Variants in ARHGEF10 observed in about 807,000 individuals in gnomAD.
ARHGEF10 encodes Rho guanine nucleotide exchange factor 10.
ARHGEF10 carries 140 observed loss-of-function variants against 147.4 expected under a neutral mutation model. The ratio of observed to expected loss-of-function variants is 0.95; its 90% CI spans 0.83 to 1.09. ARHGEF10 has a LOEUF of 1.09. Ranked by LOEUF, ARHGEF10 falls within the 50% of genes least tolerant of loss-of-function variation. ARHGEF10 has a pLI of 0.00. For synonymous variants in ARHGEF10, 902 were observed against 695.8 expected, an observed-to-expected ratio of 1.30 and a Z score of -4.67; for missense variants, 2,222 against 1,752.7, an observed-to-expected ratio of 1.27 and a Z score of -4.78.
At chr8:1,896,564 C>G (rs1364068693) in intron 14 of ARHGEF10, 115 bp downstream of exon 14, 7 of 797,334 alleles carry the variant, frequency 8.8e-6, no homozygotes, top group East Asian at 7.3e-5. Flanking sequence ...CAATAGTGCC[C>G]TAGATATTGG....
At chr8:1,882,914 C>T (rs1808341553) in intron 10 of ARHGEF10, among the ~76,000 whole-genome samples, 165 bp downstream of exon 10, 1 of 152,228 alleles carries the variant, frequency 6.6e-6, no homozygotes, top group African/African-American at 2.4e-5. Flanking sequence ...CTGACCCCAG[C>T]CTCCCCGTCC....
rs1397466072 is a variant in ARHGEF10, at chr8:1,888,845, G to A, written c.1182+3138G>A. ...GTTATGAGGAGACACTGAATAGGGT[G>A]AGGTTTGTGAGGAGACACTGAGTGG... On this transcript the variant is annotated intron_variant, in intron 11 of 28. Coordinates refer to ENST00000349830, the MANE Select transcript of ARHGEF10 (RefSeq NM_014629.4). Among the ~76,000 whole-genome samples, 5 of 110,366 alleles carry A rather than the reference G, an allele frequency of 4.5e-5. 1 individual carries two copies. The highest frequency in any genetic ancestry group is 2.6e-4 in the African/African-American group (5 of 19,068). 72.4% of individuals were successfully genotyped at this position (110,366 alleles called of 152,430 possible). A position where few individuals can be genotyped will look rare whatever the true frequency, so the allele number is the denominator to read the frequency against.
At chr8:1,827,456 C>A (rs1226964480) in intron 1 of ARHGEF10, among the ~76,000 whole-genome samples, 1 of 152,080 alleles carries the variant, frequency 6.6e-6, no homozygotes, top group Non-Finnish European at 1.5e-5. Flanking sequence ...TTATAAGCAC[C>A]CACCACCGTG....
chr8:1,949,413 C>A (rs1358557245), intron 27 of ARHGEF10, among the ~76,000 whole-genome samples: 6 of 152,188 alleles, frequency 3.9e-5, no homozygotes, highest in African/African-American at 1.4e-4. Context: ...GCGGTCGTTA[C>A]CTTTCTAAGT....
At chr8:1,933,352 C>T (rs906787665) in intron 25 of ARHGEF10, among the ~76,000 whole-genome samples, 3 of 152,176 alleles carry the variant, frequency 2.0e-5, no homozygotes, top group Non-Finnish European at 4.4e-5. Flanking sequence ...ATCTTCTCTG[C>T]TATTATTGTA....
Position 1,957,905 on chromosome 8 carries a change from A to G in ARHGEF10, c.*642A>G, listed in dbSNP as rs930061184. The G allele has an allele frequency of 2.0e-5, 3 of 152,356 alleles. No homozygotes were observed. The highest frequency in any genetic ancestry group is 7.2e-5 in the African/African-American group (3 of 41,468). 9.4% of individuals were successfully genotyped at this position (152,356 alleles called of 1,614,324 possible). On this transcript the variant is annotated 3_prime_UTR_variant, in exon 29 of 29. Transcript: ENST00000349830. ...TTTGTATTGCATTTTTCTATTAAAA[A>G]ATTAACAGTTAATGTTTCAGTCAAT...
intron 28 of ARHGEF10, among the ~76,000 whole-genome samples, chr8:1,956,083 A>G (rs1157261343): frequency 6.6e-6 from 1 of 152,192 alleles, no homozygotes; most frequent in African/African-American, 2.4e-5. Flanking sequence ...TCCATATGTC[A>G]TGTCACCCAC....
rs1809253139 is a variant in ARHGEF10, at chr8:1,889,678, CGTGAGGAAACAGTGGGGTGAAGGTTT to C, written c.1183-3883_1183-3858del. On this transcript the variant is annotated intron_variant, in intron 11 of 28. Transcript: ENST00000349830. ...AGAAAACTCGGAGTGGGGTGAGGGT[CGTGAGGAAACAGTGGGGTGAAGGTTT>C]GTGAGGAGACCCTGAGTGGAGTGAG... is the stretch of plus-strand genomic sequence containing the variant. Among the ~76,000 whole-genome samples, 2 of 67,036 alleles carry C rather than the reference CGTGAGGAAACAGTGGGGTGAAGGTTT, an allele frequency of 3.0e-5. 1 individual carries two copies. The highest frequency in any genetic ancestry group is 3.2e-4 in the Admixed American group (2 of 6,184). The allele number at this position is 67,036 out of a possible 152,430, so 44.0% of individuals were successfully genotyped here.
chr8:1,949,404 C>T (rs999491511), intron 27 of ARHGEF10, among the ~76,000 whole-genome samples: 5 of 152,180 alleles, frequency 3.3e-5, no homozygotes, highest in East Asian at 3.9e-4. Context: ...TTCGTTAGAG[C>T]GGTCGTTACC....
At chr8:1,901,180 G>A (rs1035767605) in intron 15 of ARHGEF10, among the ~76,000 whole-genome samples, 1 of 152,122 alleles carries the variant, frequency 6.6e-6, no homozygotes, top group Non-Finnish European at 1.5e-5. Context: ...CGAGGAGACA[G>A]GCTGCAGAGA....
intron 27 of ARHGEF10, among the ~76,000 whole-genome samples, chr8:1,952,188 G>A (rs558792988): frequency 6.6e-6 from 1 of 152,158 alleles, no homozygotes; most frequent in African/African-American, 2.4e-5. Context: ...TGTTCTTCAC[G>A]CAGAGCCCTG....
At chr8:1,824,381 G>A (rs887235909) in intron 1 of ARHGEF10, among the ~76,000 whole-genome samples, 5 of 151,458 alleles carry the variant, frequency 3.3e-5, no homozygotes, top group Admixed American at 6.5e-5. Context: ...CCTGGCCCCA[G>A]GGGCAGGAGC....
intron 27 of ARHGEF10, among the ~76,000 whole-genome samples, chr8:1,949,028 G>A (rs944872648): frequency 1.3e-5 from 2 of 152,016 alleles, no homozygotes; most frequent in Non-Finnish European, 2.9e-5. Context: ...ATGTGTGTGT[G>A]TGTGTGTGTG....
At chr8:1,909,565 A>G (rs1214774809) in intron 18 of ARHGEF10, 95 bp downstream of exon 18, 3 of 1,531,218 alleles carry the variant, frequency 2.0e-6, no homozygotes, top group South Asian at 1.2e-5. Flanking sequence ...CACCATCAGC[A>G]GGTTCAGGGT....
chr8:1,845,533 G>C (rs1319852175), intron 2 of ARHGEF10, among the ~76,000 whole-genome samples: 1 of 152,252 alleles, frequency 6.6e-6, no homozygotes, highest in Non-Finnish European at 1.5e-5. Flanking sequence ...TGTCTCTGCA[G>C]GTAAGCGTGG....
Position 1,865,261 on chromosome 8 carries a change from G to A in ARHGEF10, c.545+825G>A, listed in dbSNP as rs192290138. Among the ~76,000 whole-genome samples the A allele has an allele frequency of 3.4e-3, 514 of 152,064 alleles. 4 individuals are homozygous for A. The highest frequency in any genetic ancestry group is 0.014 in the South Asian group (68 of 4,804). ...AGGTGCACAGCACAGCACACAGGGC[G>A]ACCCCAGCACCCATGAGGCCATCAC... On this transcript the variant is annotated intron_variant, in intron 5 of 28. Transcript: ENST00000349830.
At chr8:1,881,467 G>A (rs1466314900) in intron 9 of ARHGEF10, among the ~76,000 whole-genome samples, 3 of 152,352 alleles carry the variant, frequency 2.0e-5, no homozygotes, top group South Asian at 4.1e-4. Flanking sequence ...GCTGTCTGCG[G>A]CATCGGGCGG....
At chr8:1,950,730 G>GTTTTTTTTTTTTTTTTTTTTTTT (rs71211528) in intron 27 of ARHGEF10, among the ~76,000 whole-genome samples, 1 of 108,458 alleles carries the variant, frequency 9.2e-6, no homozygotes, top group African/African-American at 3.6e-5. Flanking sequence ...TGTTTTTTAG[G>GTTTTTTTTTTTTTTTTTTTTTTT]TTTTTTTTTT....
intron 1 of ARHGEF10, chr8:1,826,285 G>C: frequency 1.3e-6 from 1 of 747,612 alleles, no homozygotes; most frequent in Non-Finnish European, 2.3e-6. Context: ...TTTGTCTTCT[G>C]GGTGCTTTGG....
Sources: gnomAD v4.1 joint callset for allele counts (sites outside exome capture counted in the v4.1 genomes callset) on GRCh38, gnomAD v4.1.1 for gene constraint, MANE v1.5 for transcripts, NCBI Gene and HGNC (gene_info 2026-07-23, HGNC 2026-07-21) for gene names.